The following DRC8 variants were observed in gnomAD, a reference collection of about 807,000 sequenced individuals.
DRC8 encodes the protein dynein regulatory complex protein 8.
At chr1:244,973,859 C>G in the DRC8 span, among the ~76,000 whole-genome samples, 1 of 150,860 alleles carries the variant, frequency 6.6e-6, no homozygotes, top group Non-Finnish European at 1.5e-5. Flanking sequence ...GAAAAATTAC[C>G]TAAATTAGAA....
the DRC8 span, among the ~76,000 whole-genome samples, chr1:245,082,686 CTTTTATTTTA>C: frequency 3.0e-4 from 45 of 150,006 alleles, no homozygotes; most frequent in South Asian, 2.5e-3. Context: ...ATGTTAGCAG[CTTTTATTTTA>C]TTTTATTTTA....
the DRC8 span, among the ~76,000 whole-genome samples, chr1:244,972,016 T>A: frequency 4.0e-5 from 6 of 151,330 alleles, no homozygotes; most frequent in African/African-American, 1.5e-4. Flanking sequence ...TATGGATATT[T>A]ATTTTCTTAA....
the DRC8 span, among the ~76,000 whole-genome samples, chr1:245,092,505 A>G: frequency 6.6e-6 from 1 of 152,198 alleles, no homozygotes; most frequent in Non-Finnish European, 1.5e-5. Flanking sequence ...GGTGCCAGGC[A>G]TGGTGGCTGC....
chr1:245,117,784 C>T, the DRC8 span, among the ~76,000 whole-genome samples: 4 of 152,070 alleles, frequency 2.6e-5, no homozygotes, highest in East Asian at 1.9e-4. Flanking sequence ...GCCTGGCCAA[C>T]GTGGCAAAAC....
chr1:245,014,959 G>GT, the DRC8 span, among the ~76,000 whole-genome samples: 1 of 152,194 alleles, frequency 6.6e-6, no homozygotes, highest in African/African-American at 2.4e-5. Flanking sequence ...AAAATGATGA[G>GT]TAGTTATGTT....
chr1:245,009,600 T>G, the DRC8 span, among the ~76,000 whole-genome samples: 9 of 150,808 alleles, frequency 6.0e-5, no homozygotes, highest in Non-Finnish European at 1.2e-4. Flanking sequence ...CCCAAGTAGC[T>G]GGGACTACAG....
chr1:245,117,443 A>G, the DRC8 span, among the ~76,000 whole-genome samples: 2 of 151,378 alleles, frequency 1.3e-5, no homozygotes, highest in Non-Finnish European at 2.9e-5. Context: ...TTTATTTTTG[A>G]GATGAAGTTT....
At chr1:245,119,344 G>GTTTTTTT in the DRC8 span, among the ~76,000 whole-genome samples, 1 of 147,780 alleles carries the variant, frequency 6.8e-6, no homozygotes. Flanking sequence ...AAATTGGAGA[G>GTTTTTTT]TTTTTTTTTT....
At chr1:245,116,200 C>T in the DRC8 span, among the ~76,000 whole-genome samples, 1 of 151,716 alleles carries the variant, frequency 6.6e-6, no homozygotes, top group Non-Finnish European at 1.5e-5. Context: ...AAGATCCTAT[C>T]TGTACCAGGA....
chr1:245,016,145 C>T, the DRC8 span, among the ~76,000 whole-genome samples: 6 of 151,962 alleles, frequency 3.9e-5, no homozygotes, highest in East Asian at 1.2e-3. Context: ...CCATGCCTGG[C>T]TAATTTTGTA....
chr1:245,026,492 C>G, the DRC8 span, among the ~76,000 whole-genome samples: 1 of 152,182 alleles, frequency 6.6e-6, no homozygotes, highest in Non-Finnish European at 1.5e-5. Context: ...ATTGCATGGA[C>G]AGTTCCCCCA....
the DRC8 span, among the ~76,000 whole-genome samples, chr1:245,072,641 CGA>C: frequency 3.3e-5 from 5 of 152,136 alleles, no homozygotes; most frequent in African/African-American, 1.2e-4. Flanking sequence ...ACACCAAAAG[CGA>C]TATAGTTTGA....
the DRC8 span, among the ~76,000 whole-genome samples, chr1:245,072,171 C>G: frequency 6.6e-6 from 1 of 152,328 alleles, no homozygotes; most frequent in South Asian, 2.1e-4. Flanking sequence ...TGGAAGCAAC[C>G]AAGATGTCCT....
the DRC8 span, among the ~76,000 whole-genome samples, chr1:244,975,016 T>C: frequency 1.4e-3 from 211 of 152,032 alleles, 1 homozygote; most frequent in Non-Finnish European, 9.3e-4. Flanking sequence ...CTGCAAGCTC[T>C]GCCTCCCAGG....
chr1:245,104,863 A>G, the DRC8 span, among the ~76,000 whole-genome samples: 1 of 152,226 alleles, frequency 6.6e-6, no homozygotes, highest in Non-Finnish European at 1.5e-5. Context: ...TGCTTTTACC[A>G]TTGGTTTATT....
At chr1:244,971,514 A>G in the DRC8 span, among the ~76,000 whole-genome samples, 1 of 152,228 alleles carries the variant, frequency 6.6e-6, no homozygotes, top group Non-Finnish European at 1.5e-5. Context: ...CTTAGGTACT[A>G]AAAAATAATT....
At chr1:245,060,629 C>T in the DRC8 span, among the ~76,000 whole-genome samples, 1 of 151,992 alleles carries the variant, frequency 6.6e-6, no homozygotes, top group South Asian at 2.1e-4. Flanking sequence ...TGTTTCTGCA[C>T]AAAGCTGGAA....
At chr1:244,972,556 C>T in the DRC8 span, among the ~76,000 whole-genome samples, 1 of 152,206 alleles carries the variant, frequency 6.6e-6, no homozygotes, top group Non-Finnish European at 1.5e-5. Flanking sequence ...CGCGGTGGCT[C>T]ACGCCTGCAA....
the DRC8 span, among the ~76,000 whole-genome samples, chr1:245,121,372 C>G: frequency 6.6e-6 from 1 of 152,210 alleles, no homozygotes; most frequent in Admixed American, 6.5e-5. Context: ...GCAGCTTGAT[C>G]CAGGGCTCAG....
Sources: allele counts gnomAD v4.1 joint callset (sites outside exome capture counted in the v4.1 genomes callset), GRCh38; gene constraint gnomAD v4.1.1; transcripts MANE v1.5; gene names NCBI Gene and HGNC (gene_info 2026-07-23, HGNC 2026-07-21).